Variants in IL27 observed in about 807,000 individuals in gnomAD.
IL27 encodes interleukin 27.
A neutral mutation model predicts 27.0 loss-of-function variants in IL27; 11 were observed. That is an observed-to-expected ratio of 0.41 (90% CI 0.26 to 0.67). IL27 has a LOEUF of 0.67. IL27 is among the 30% of genes least tolerant of loss of function. The pLI is 0.34. For missense variants in IL27, 299 were observed against 310.4 expected (o/e 0.96, Z 0.28); for synonymous variants, 134 against 140.6 (o/e 0.95, Z 0.33).
chr16:28,503,072 T>C lies in IL27; in HGVS notation c.303+623A>G, dbSNP rs528051321. Among the ~76,000 whole-genome samples the C allele has an allele frequency of 2.6e-5, 4 of 152,298 alleles. 1 individual carries two copies. In the South Asian group the frequency reaches 8.3e-4, roughly 32 times the overall value. On this transcript the variant is annotated intron_variant, in intron 3 of 4. Transcript: ENST00000356897. Reference sequence around the variant, plus strand: ...CCTGACCTCAGGTGATCCACCCACATCAGCCTCCCACAGTGCTGGGATTAC... The same window carrying C: ...CCTGACCTCAGGTGATCCACCCACACCAGCCTCCCACAGTGCTGGGATTAC...
At chr16:28,505,702 A>G (rs1459211748) in intron 1 of IL27, among the ~76,000 whole-genome samples, 2 of 152,120 alleles carry the variant, frequency 1.3e-5, no homozygotes, top group Admixed American at 6.6e-5. Context: ...GGAAGAGGGC[A>G]GCATTCATCA....
Position 28,499,710 on chromosome 16 carries a change from A to T in IL27, c.673T>A (p.Ser225Thr). ...SRAVRELLLL[S>T]KAGHSVWPLG... ...GGCCAGACTGAGTGCCCAGCCTTGG[A>T]CAGCAGCAGCAACTCCCGCACGGCC... Residue 225 changes from serine (S) to threonine (T), a missense_variant, in exon 5 of 5, where the codon TCC becomes ACC. By Grantham distance (58) the Ser-to-Thr change is moderately conservative. Transcript: ENST00000356897. 3.7e-6 allele frequency: 6 copies of T among 1,613,542 alleles called. No homozygotes were observed. Among genetic ancestry groups the T allele is most frequent in the Non-Finnish European group, 5.1e-6 (6 of 1,179,842 alleles).
intron 1 of IL27, among the ~76,000 whole-genome samples, chr16:28,504,644 G>A (rs963572853): frequency 1.3e-5 from 2 of 151,238 alleles, no homozygotes; most frequent in Non-Finnish European, 2.9e-5. Context: ...GAGTGTAGTG[G>A]TGTGATCACA....
chr16:28,503,408 C>G (rs2046444383), intron 3 of IL27, among the ~76,000 whole-genome samples: 1 of 152,194 alleles, frequency 6.6e-6, no homozygotes, highest in African/African-American at 2.4e-5. Flanking sequence ...CACCACCATG[C>G]CTGGCTAACT....
Position 28,499,799 on chromosome 16 carries a change from A to G in IL27, c.584T>C (p.Val195Ala). The G allele has an allele frequency of 6.2e-7, 1 of 1,606,710 alleles. No individual in the cohort carries two copies. The highest frequency in any genetic ancestry group is 8.5e-7 in the Non-Finnish European group (1 of 1,177,088). The stretch of plus-strand genomic sequence containing the variant: ...GGTGGAGAGGAGCTGGGGCCAGGAC[A>G]CCTGGGCCGGGCCCTGTAAGGCGCT... Reference protein sequence around the residue: ...LGSALQGPAQVSWPQLLSTYR... With the variant: ...LGSALQGPAQASWPQLLSTYR... The change falls in exon 5 of 5, where the codon GTG becomes GCG. Residue 195 changes from valine (V) to alanine (A), a missense_variant. By Grantham distance (64) the Val-to-Ala change is moderately conservative (BLOSUM62 0). Transcript: ENST00000356897.
intron 3 of IL27, among the ~76,000 whole-genome samples, chr16:28,502,459 C>T (rs748946157): frequency 1.9e-4 from 29 of 152,048 alleles, no homozygotes; most frequent in African/African-American, 2.9e-4. Flanking sequence ...ACCTCCTGCC[C>T]ATGTGTTTCC....
chr16:28,504,243 C>T (rs1000834978), intron 1 of IL27, among the ~76,000 whole-genome samples, 193 bp from the exon 2 acceptor site: 17 of 152,154 alleles, frequency 1.1e-4, no homozygotes, highest in African/African-American at 3.4e-4. Context: ...TTTAGGAGAC[C>T]GAGGCGGGCG....
chr16:28,504,586 C>A (rs2046451536), intron 1 of IL27, among the ~76,000 whole-genome samples: 1 of 128,814 alleles, frequency 7.8e-6, no homozygotes, highest in Non-Finnish European at 1.7e-5. Context: ...GAAGCCTGAT[C>A]CTTTTTTTTT....
At chr16:28,501,432 A>AC (rs2046428344) in intron 4 of IL27, among the ~76,000 whole-genome samples, 1 of 149,652 alleles carries the variant, frequency 6.7e-6, no homozygotes, top group Non-Finnish European at 1.5e-5. Flanking sequence ...ACCCACACAC[A>AC]CTCACAGTCA....
intron 4 of IL27, among the ~76,000 whole-genome samples, chr16:28,500,224 G>A (rs1289601447): frequency 1.3e-5 from 2 of 152,146 alleles, no homozygotes; most frequent in African/African-American, 4.8e-5. Flanking sequence ...TTTTGGGTCG[G>A]GTCAGCAACA....
chr16:28,501,143 C>T (rs1450119322), intron 4 of IL27, among the ~76,000 whole-genome samples: 1 of 151,722 alleles, frequency 6.6e-6, no homozygotes, highest in Non-Finnish European at 1.5e-5. Flanking sequence ...GAGCTGAGAT[C>T]GCACCGCTGC....
intron 4 of IL27, 40 bp downstream of exon 4, chr16:28,501,936 C>T (rs1408050972): frequency 6.3e-7 from 1 of 1,579,946 alleles, no homozygotes. Flanking sequence ...AGTCTTCTTT[C>T]CCACGTGGTC....
rs113113152 is a variant in IL27, at chr16:28,504,587, CTT to C, written c.32-539_32-538del. On this transcript the variant is annotated intron_variant, in intron 1 of 4. Transcript: ENST00000356897. Reference sequence around the variant, plus strand: ...TTGCAAAAAGACCAGAAGCCTGATCCTTTTTTTTTTTTTTTGAAACAGAGTTC... The same window carrying C: ...TTGCAAAAAGACCAGAAGCCTGATCCTTTTTTTTTTTTTGAAACAGAGTTC... Among the ~76,000 whole-genome samples the C allele has an allele frequency of 9.8e-3, 1,418 of 144,406 alleles. 15 individuals carry two copies. The highest frequency in any genetic ancestry group is 0.021 in the African/African-American group (823 of 39,346). 94.7% of individuals were successfully genotyped at this position (144,406 alleles called of 152,430 possible).
intron 1 of IL27, 91 bp from the exon 2 acceptor site, chr16:28,504,141 C>T (rs368907526): frequency 2.0e-5 from 26 of 1,326,744 alleles, no homozygotes; most frequent in Middle Eastern, 4.1e-4. Flanking sequence ...GCTGTGAGCA[C>T]GGTGCAGGCA....
At position 28,503,870 on chromosome 16, in the gene IL27, G is replaced by A. The variant is rs1248479667; in HGVS notation, c.204+8C>T. The A allele has an allele frequency of 2.5e-6, 4 of 1,613,840 alleles. No homozygotes were observed. The highest frequency in any genetic ancestry group is 1.7e-5 in the Admixed American group (1 of 59,982). On this transcript the variant is annotated splice_region_variant and intron_variant, in intron 2 of 4. Transcript: ENST00000356897. ...ATCTCCAGCGCCAGCTGCATTAGGG[G>A]GACTTACAAAGCGGTGGGCCTGGCC...
rs1275015077 is a variant in IL27 at position 28,499,743 on chromosome 16, A to C, written c.640T>G (p.Leu214Val). The C allele has an allele frequency of 1.9e-6, 3 of 1,613,492 alleles. No homozygotes were observed. Among genetic ancestry groups the C allele is most frequent in the Non-Finnish European group, 2.5e-6 (3 of 1,179,806 alleles). ...YRLLHSLELV[L>V]SRAVRELLLL... ...AGCAACTCCCGCACGGCCCGAGATA[A>C]GACGAGCTCCAAGGAGTGCAGCAGG... Residue 214 changes from leucine to valine, a missense_variant, in exon 5 of 5, where the codon TTA (leucine) becomes GTA (valine). Transcript: ENST00000356897.
chr16:28,504,451 C>T (rs1363327092), intron 1 of IL27, among the ~76,000 whole-genome samples: 4 of 151,892 alleles, frequency 2.6e-5, no homozygotes, highest in Admixed American at 6.6e-5. Flanking sequence ...CCAGCCTGGG[C>T]GACAGAGCCA....
rs373687856 is a variant in IL27 at position 28,499,895 on chromosome 16, G to A, written c.488C>T (p.Pro163Leu). 1,017 of 1,550,494 alleles carry A rather than the reference G, an allele frequency of 6.6e-4. 1 individual carries two copies. The highest frequency in any genetic ancestry group is 8.4e-4 in the Non-Finnish European group (968 of 1,146,202). The part of the protein sequence containing the change: ...FQVLAAGFNL[P>L]EEEEEEEEEE... ...CTCCTCTTCCTCCTCCTCCTCCTCC[G>A]GGAGGTTGAATCCTGCAGCCAGCAC... Residue 163 changes from proline (P) to leucine (L), a missense_variant, in exon 5 of 5, where the codon CCG becomes CTG. Transcript: ENST00000356897.
At chr16:28,502,904 C>A (rs1163607310) in intron 3 of IL27, among the ~76,000 whole-genome samples, 1 of 152,176 alleles carries the variant, frequency 6.6e-6, no homozygotes, top group African/African-American at 2.4e-5. Flanking sequence ...CTCACTGCAA[C>A]CTCCACCTCC....
Sources: allele counts gnomAD v4.1 joint callset (sites outside exome capture counted in the v4.1 genomes callset), GRCh38; gene constraint gnomAD v4.1.1; transcripts MANE v1.5; gene names NCBI Gene and HGNC (gene_info 2026-07-23, HGNC 2026-07-21).